Variants in SLIT3 observed in about 807,000 individuals in gnomAD.
SLIT3 encodes the protein slit guidance ligand 3.
Under a neutral mutation model 184.0 loss-of-function variants are expected in SLIT3, and 68 were observed. The ratio of observed to expected loss-of-function variants is 0.37; its 90% confidence interval spans 0.30 to 0.45. The LOEUF is 0.45. SLIT3 is among the 20% of genes least tolerant of loss of function. The pLI, the probability that SLIT3 is intolerant of heterozygous loss-of-function variation, is 1.00. For synonymous variants in SLIT3, 831 were observed against 828.6 expected, an observed-to-expected ratio of 1.00 and a Z score of -0.05; for missense variants, 1,707 against 2,026.0, an observed-to-expected ratio of 0.84 and a Z score of 3.02.
chr5:168,892,326 T>C (rs566418711), intron 4 of SLIT3, among the ~76,000 whole-genome samples: 2 of 152,346 alleles, frequency 1.3e-5, no homozygotes, highest in Non-Finnish European at 2.9e-5. Context: ...CAATCTGGAC[T>C]GGCCACATTC....
intron 4 of SLIT3, among the ~76,000 whole-genome samples, chr5:168,965,662 A>C (rs924695456): frequency 3.3e-5 from 5 of 152,206 alleles, no homozygotes; most frequent in Admixed American, 6.5e-5. Flanking sequence ...GCTATTATGC[A>C]CCTACCCTAA....
chr5:168,831,888 G>A (rs1019097219), intron 6 of SLIT3, among the ~76,000 whole-genome samples: 1 of 152,172 alleles, frequency 6.6e-6, no homozygotes, highest in Admixed American at 6.5e-5. Flanking sequence ...CAGAGCCTCG[G>A]TGTTCAAAGA....
intron 4 of SLIT3, among the ~76,000 whole-genome samples, chr5:168,925,098 G>A (rs1161714362): frequency 4.6e-5 from 7 of 152,134 alleles, no homozygotes; most frequent in African/African-American, 1.7e-4. Flanking sequence ...AACCAGTCTG[G>A]GTTTGGCTAC....
intron 35 of SLIT3, chr5:168,667,836 A>G (rs988039139): frequency 3.5e-4 from 54 of 152,190 alleles, no homozygotes; most frequent in African/African-American, 1.2e-3. Context: ...GATTAGAAAG[A>G]GGTTAATGAC....
At chr5:169,143,538 C>T (rs1017934960) in intron 4 of SLIT3, among the ~76,000 whole-genome samples, 3 of 152,258 alleles carry the variant, frequency 2.0e-5, no homozygotes, top group African/African-American at 7.2e-5. Flanking sequence ...GTGGCTCATA[C>T]CTGTAATCCC....
At chr5:168,982,625 GA>G (rs941533937) in intron 4 of SLIT3, among the ~76,000 whole-genome samples, 1 of 152,122 alleles carries the variant, frequency 6.6e-6, no homozygotes, top group Non-Finnish European at 1.5e-5. Context: ...AGTCTTTTAA[GA>G]AAAAAATCCA....
At chr5:168,986,992 G>A (rs1755154084) in intron 4 of SLIT3, among the ~76,000 whole-genome samples, 1 of 152,172 alleles carries the variant, frequency 6.6e-6, no homozygotes, top group East Asian at 1.9e-4. Context: ...AGGTTGCAGT[G>A]AGCTGAGATC....
intron 1 of SLIT3, among the ~76,000 whole-genome samples, chr5:169,287,818 G>A (rs1183630386): frequency 6.6e-6 from 1 of 152,160 alleles, no homozygotes; most frequent in Non-Finnish European, 1.5e-5. Context: ...AGGACCTGGT[G>A]AATGCTGCCT....
chr5:169,059,285 TG>T (rs1396740643), intron 4 of SLIT3, among the ~76,000 whole-genome samples: 3 of 151,920 alleles, frequency 2.0e-5, no homozygotes, highest in African/African-American at 7.3e-5. Context: ...AGGAGCAAAG[TG>T]GGGCAGAGAC....
At chr5:168,712,147 G>C (rs1762578985) in intron 24 of SLIT3, 136 bp downstream of exon 24, 2 of 737,892 alleles carry the variant, frequency 2.7e-6, no homozygotes. Flanking sequence ...TGCATAGTGT[G>C]GATACATAGT....
At chr5:168,729,734 A>G (rs986544675) in intron 20 of SLIT3, among the ~76,000 whole-genome samples, 3 of 152,158 alleles carry the variant, frequency 2.0e-5, no homozygotes, top group African/African-American at 7.2e-5. Context: ...CAATTATACA[A>G]AGGAAGAAGA....
intron 4 of SLIT3, among the ~76,000 whole-genome samples, chr5:169,182,764 G>GTA (rs1763208974): frequency 6.6e-6 from 1 of 152,090 alleles, no homozygotes; most frequent in Admixed American, 6.5e-5. Flanking sequence ...ATACAATGCA[G>GTA]TATTTCCCTA....
At chr5:169,268,060 C>T (rs1160921975) in intron 1 of SLIT3, among the ~76,000 whole-genome samples, 3 of 152,194 alleles carry the variant, frequency 2.0e-5, no homozygotes, top group African/African-American at 7.2e-5. Flanking sequence ...TGTATAAACA[C>T]TAATAAAGTG....
At chr5:168,668,591 C>T (rs187856305) in intron 35 of SLIT3, among the ~76,000 whole-genome samples, 33 of 152,328 alleles carry the variant, frequency 2.2e-4, no homozygotes, top group Non-Finnish European at 3.4e-4. Flanking sequence ...GAGTTATCTG[C>T]ACTTTTGTCT....
At chr5:168,753,325 A>C (rs1754783220) in intron 17 of SLIT3, among the ~76,000 whole-genome samples, 1 of 152,256 alleles carries the variant, frequency 6.6e-6, no homozygotes, top group Non-Finnish European at 1.5e-5. Context: ...TCTTGGAAGC[A>C]CATGTCATGC....
chr5:168,670,410 C>T (rs1761200025), intron 34 of SLIT3, among the ~76,000 whole-genome samples: 1 of 152,196 alleles, frequency 6.6e-6, no homozygotes, highest in Non-Finnish European at 1.5e-5. Context: ...GCTTTACACC[C>T]AGTATTGCTC....
chr5:169,053,080 G>A (rs1757870830), intron 4 of SLIT3, among the ~76,000 whole-genome samples: 1 of 152,226 alleles, frequency 6.6e-6, no homozygotes, highest in Admixed American at 6.5e-5. Flanking sequence ...TGTTATACCT[G>A]TAGGGTCTGC....
Position 169,235,351 on chromosome 5 carries a change from C to T in SLIT3, c.341+9354G>A, listed in dbSNP as rs530520222. Among the ~76,000 whole-genome samples the T allele has an allele frequency of 1.2e-4, 19 of 152,116 alleles. No homozygotes were observed. The East Asian group carries it at 3.7e-3, about 29-fold the overall frequency. On this transcript the variant is annotated intron_variant, in intron 3 of 35. Transcript: ENST00000519560. The stretch of plus-strand genomic sequence containing the variant: ...TGGCATAAAAAACATTTATTTTGCT[C>T]GTAAGTCTGTAAATCAAGAAGGGTT...
chr5:168,690,148 T>TC (rs1425515422), intron 29 of SLIT3, among the ~76,000 whole-genome samples: 4 of 151,562 alleles, frequency 2.6e-5, no homozygotes, highest in African/African-American at 9.7e-5. Flanking sequence ...CTTTTTTTTT[T>TC]TTTTTTTAGA....
Sources: allele counts gnomAD v4.1 joint callset (sites outside exome capture counted in the v4.1 genomes callset), GRCh38; gene constraint gnomAD v4.1.1; transcripts MANE v1.5; gene names NCBI Gene and HGNC (gene_info 2026-07-23, HGNC 2026-07-21).